Variants in ANKRD36 observed in about 807,000 individuals in gnomAD.
ANKRD36 encodes the protein ankyrin repeat domain-containing protein 36A.
A neutral mutation model predicts 278.1 loss-of-function variants in ANKRD36; 179 were observed. The ratio of observed to expected loss-of-function variants is 0.64; its 90% CI spans 0.57 to 0.73. The LOEUF (loss-of-function observed/expected upper bound fraction) is 0.73. ANKRD36 is among the 30% of genes least tolerant of loss of function. ANKRD36 has a pLI of 0.00. For synonymous variants in ANKRD36, 320 were observed against 641.1 expected (o/e 0.50, Z 7.57); for missense variants, 1,159 against 1,956.7 (o/e 0.59, Z 7.69).
At chr2:97,226,151 G>A (rs1226004732) in intron 67 of ANKRD36, among the ~76,000 whole-genome samples, 2 of 151,524 alleles carry the variant, frequency 1.3e-5, no homozygotes, top group African/African-American at 4.8e-5. Flanking sequence ...GTAATGGGAT[G>A]GCAGGGTCAA....
intron 44 of ANKRD36, among the ~76,000 whole-genome samples, chr2:97,199,366 A>G (rs1400163216): frequency 7.9e-5 from 12 of 152,024 alleles, no homozygotes; most frequent in Non-Finnish European, 1.3e-4. Context: ...AGTTATAAAA[A>G]TCAGATAATC....
At chr2:97,208,744 G>A (rs1395349895) in intron 54 of ANKRD36, among the ~76,000 whole-genome samples, 7 of 146,458 alleles carry the variant, frequency 4.8e-5, no homozygotes, top group Admixed American at 1.4e-4. Context: ...GAATAAATTT[G>A]CTTCCTTGTT....
At chr2:97,215,606 A>C in intron 62 of ANKRD36, 109 bp downstream of exon 62, 11 of 1,559,016 alleles carry the variant, frequency 7.1e-6, no homozygotes, top group Non-Finnish European at 9.5e-6. Context: ...TGGATTCAGC[A>C]TGCCTGAGAT....
intron 56 of ANKRD36, among the ~76,000 whole-genome samples, chr2:97,210,295 C>T (rs2064078332): frequency 6.6e-6 from 1 of 151,806 alleles, no homozygotes; most frequent in Non-Finnish European, 1.5e-5. Flanking sequence ...TAAGGAGACC[C>T]CTGGTGTAGC....
At chr2:97,147,593 G>C (rs761717022) in intron 11 of ANKRD36, among the ~76,000 whole-genome samples, 4 of 148,700 alleles carry the variant, frequency 2.7e-5, no homozygotes, top group South Asian at 2.2e-4. Context: ...TTGCACTCAG[G>C]TTTCTTAGTT....
chr2:97,137,210 A>C (rs2041738723), intron 6 of ANKRD36, among the ~76,000 whole-genome samples: 1 of 151,940 alleles, frequency 6.6e-6, no homozygotes, highest in African/African-American at 2.4e-5. Context: ...GGAATGGCAC[A>C]ATCTTGGCTC....
Position 97,113,900 on chromosome 2 carries a change from C to T in ANKRD36, c.161C>T (p.Thr54Met). The change falls in exon 1 of 76, where the codon ACG becomes ATG. Residue 54 changes from threonine to methionine, a missense_variant. Transcript: ENST00000420699. ...GAGAAACTGAAGTACCTTCTGCTCA[C>T]GTATTATGACGCCAATAAGAGAGAC... Reference protein sequence around the residue: ...NLEKLKYLLLTYYDANKRDRK... With the variant: ...NLEKLKYLLLMYYDANKRDRK... 1.2e-6 allele frequency: 2 copies of T among 1,612,912 alleles called. No homozygotes were observed. The highest frequency in any genetic ancestry group is 1.7e-6 in the Non-Finnish European group (2 of 1,179,946).
rs763385352 is a variant in ANKRD36 at position 97,240,982 on chromosome 2, G to GTTTTTTTT, written c.4094-255_4094-248dup. ...TTATCTTATGCAATCACATAACTAT[G>GTTTTTTTT]TTTTTTTTTTTTTTTTTTTTTTTTT... On this transcript the variant is annotated intron_variant, in intron 68 of 75. Coordinates refer to ENST00000420699, the MANE Select transcript of ANKRD36 (RefSeq NM_001354587.1). Among the ~76,000 whole-genome samples, 10 of 53,002 alleles carry GTTTTTTTT rather than the reference G, an allele frequency of 1.9e-4. 1 individual carries two copies. Among genetic ancestry groups the GTTTTTTTT allele is most frequent in the East Asian group, 1.8e-3 (2 of 1,130 alleles). 34.8% of individuals were successfully genotyped at this position (53,002 alleles called of 152,430 possible). A position where few individuals can be genotyped will look rare whatever the true frequency, so the allele number is the denominator to read the frequency against.
At position 97,213,533 on chromosome 2, in the gene ANKRD36, T is replaced by C. The variant is rs2065215490; in HGVS notation, c.3499-9T>C. On this transcript the variant is annotated splice_polypyrimidine_tract_variant and intron_variant, in intron 59 of 75. Coordinates refer to ENST00000420699, the MANE Select transcript of ANKRD36 (RefSeq NM_001354587.1). ...ATGTATTGATTATTTTGTTTCAAAT[T>C]CCATTCAGGCTACAAGTGACAAGAA... The C allele has an allele frequency of 1.6e-6, 1 of 607,814 alleles. No individual in the cohort carries two copies. Among genetic ancestry groups the C allele is most frequent in the Non-Finnish European group, 2.7e-6 (1 of 375,134 alleles). 37.7% of individuals were successfully genotyped at this position (607,814 alleles called of 1,614,324 possible). A position where few individuals can be genotyped will look rare whatever the true frequency, so the allele number is the denominator to read the frequency against.
chr2:97,224,448 T>TG (rs1361399843), intron 66 of ANKRD36, among the ~76,000 whole-genome samples: 89 of 145,036 alleles, frequency 6.1e-4, no homozygotes, highest in South Asian at 1.7e-3. Context: ...TTTTTTGTTT[T>TG]TTTGTTTTTT....
At chr2:97,159,399 A>G (rs1417248759) in intron 17 of ANKRD36, among the ~76,000 whole-genome samples, 2 of 152,112 alleles carry the variant, frequency 1.3e-5, no homozygotes, top group Non-Finnish European at 2.9e-5. Flanking sequence ...AAATCATCAC[A>G]CGTACACTGA....
At chr2:97,113,990 G>A in intron 1 of ANKRD36, 54 bp downstream of exon 1, 2 of 1,550,154 alleles carry the variant, frequency 1.3e-6, no homozygotes, top group South Asian at 1.2e-5. Flanking sequence ...ATGTGGAGAA[G>A]TACCCCTTTC....
chr2:97,140,398 C>T (rs1243500971), intron 6 of ANKRD36, among the ~76,000 whole-genome samples: 1 of 151,906 alleles, frequency 6.6e-6, no homozygotes, highest in Non-Finnish European at 1.5e-5. Flanking sequence ...CATAAAATAG[C>T]TCCACAAAGT....
In ANKRD36 at chr2:97,209,628, A is replaced by G. The variant is rs372594355; in HGVS notation, c.3266-53A>G. 1,829 of 1,577,788 alleles carry G rather than the reference A, an allele frequency of 1.2e-3. 50 individuals are homozygous for G. The African/African-American group carries it at 0.013, about 12-fold the overall frequency. Reference sequence around the variant, plus strand: ...ATGCTAACACTGTGTGAATGTATGGATAACTTTATCATATTTACATGTGAG... The same window carrying G: ...ATGCTAACACTGTGTGAATGTATGGGTAACTTTATCATATTTACATGTGAG... On this transcript the variant is annotated intron_variant, in intron 54 of 75. Coordinates refer to ENST00000420699, the MANE Select transcript of ANKRD36 (RefSeq NM_001354587.1).
At chr2:97,162,354 T>G (rs535409087) in intron 18 of ANKRD36, among the ~76,000 whole-genome samples, 157 of 148,688 alleles carry the variant, frequency 1.1e-3, no homozygotes, top group African/African-American at 3.8e-3. Flanking sequence ...ATTATAAGCC[T>G]AATTTTAATT....
intron 39 of ANKRD36, 38 bp downstream of exon 39, chr2:97,194,792 G>A (rs149975528): frequency 0.1 from 164,402 of 1,597,964 alleles, 6,639 homozygotes; most frequent in Middle Eastern, 0.19. Context: ...GCTAGTAAAC[G>A]TATAGCCTAT....
At chr2:97,116,834 T>G (rs1010892427) in intron 1 of ANKRD36, among the ~76,000 whole-genome samples, 1 of 152,094 alleles carries the variant, frequency 6.6e-6, no homozygotes. Context: ...ATTTATAGTT[T>G]TTTTCATAAT....
chr2:97,174,629 C>A (rs974502591), intron 22 of ANKRD36, among the ~76,000 whole-genome samples: 2 of 151,670 alleles, frequency 1.3e-5, no homozygotes, highest in African/African-American at 4.8e-5. Flanking sequence ...CCTTCTCCTG[C>A]CTAATTGCCC....
In ANKRD36 at chr2:97,194,889, A is replaced by T. The variant is rs533847393; in HGVS notation, c.2523A>T (p.Gly841=). 1 of 1,565,568 alleles carries T rather than the reference A, an allele frequency of 6.4e-7. No individual in the cohort carries two copies. The highest frequency in any genetic ancestry group is 1.2e-5 in the South Asian group (1 of 85,614). ...EKDSFSNITR[G]KKDGEISRKV... is the part of the protein sequence containing the mutation. ...ATTCTTTTTCGAATATAACCAGAGGAAAAAAGGATGGAGAAATATCTAGGA... is the reference window on the plus strand; with the variant it reads ...ATTCTTTTTCGAATATAACCAGAGGTAAAAAGGATGGAGAAATATCTAGGA... The change falls in exon 40 of 76, where the codon GGA becomes GGT. Residue 841 remains glycine (G), a synonymous_variant. Transcript: ENST00000420699.
Sources: gnomAD v4.1 joint callset for allele counts (sites outside exome capture counted in the v4.1 genomes callset) on GRCh38, gnomAD v4.1.1 for gene constraint, MANE v1.5 for transcripts, NCBI Gene and HGNC (gene_info 2026-07-23, HGNC 2026-07-21) for gene names.